Variants in SNX29 observed in about 807,000 individuals in gnomAD.
SNX29 encodes sorting nexin-29.
SNX29 carries 78 observed loss-of-function variants against 102.1 expected under a neutral mutation model. That is an observed-to-expected ratio of 0.76 (90% CI 0.64 to 0.92). The LOEUF is 0.92. Ranked by LOEUF, SNX29 falls within the 40% of genes least tolerant of loss-of-function variation. SNX29 has a pLI of 0.00. For missense variants in SNX29, 1,280 were observed against 1,061.7 expected (o/e 1.21, Z -2.86); for synonymous variants, 580 against 414.5 (o/e 1.40, Z -4.85).
intron 11 of SNX29, among the ~76,000 whole-genome samples, chr16:12,084,296 C>G (rs1227680334): frequency 1.3e-5 from 2 of 152,136 alleles, no homozygotes; most frequent in South Asian, 2.1e-4. Context: ...CAGATGCCCG[C>G]CACCACACCC....
intron 14 of SNX29, among the ~76,000 whole-genome samples, chr16:12,209,376 G>T (rs1395688677): frequency 1.3e-5 from 2 of 152,092 alleles, no homozygotes; most frequent in East Asian, 3.9e-4. Flanking sequence ...TTTTAGTAGA[G>T]ACGGGGTTTT....
At chr16:12,538,800 C>T (rs751403912) in intron 20 of SNX29, among the ~76,000 whole-genome samples, 4 of 152,128 alleles carry the variant, frequency 2.6e-5, no homozygotes, top group Admixed American at 6.5e-5. Context: ...GATTACAAGG[C>T]AGAAACCAGA....
intron 13 of SNX29, among the ~76,000 whole-genome samples, chr16:12,177,435 GA>G (rs1314917098): frequency 6.6e-6 from 1 of 152,186 alleles, no homozygotes. Context: ...ATCGAGATGT[GA>G]CTAGGTCCTC....
chr16:12,274,187 A>G (rs901995324), intron 14 of SNX29, among the ~76,000 whole-genome samples: 3 of 152,236 alleles, frequency 2.0e-5, no homozygotes, highest in East Asian at 3.8e-4. Flanking sequence ...GCCTGGGTGT[A>G]TAAGGCTCAA....
chr16:12,060,168 A>G (rs1246960549), intron 8 of SNX29, among the ~76,000 whole-genome samples: 3 of 152,224 alleles, frequency 2.0e-5, no homozygotes, highest in East Asian at 1.9e-4. Flanking sequence ...TAAAAATAAT[A>G]CAATAAAAAT....
chr16:12,472,050 C>T (rs2087369063), intron 18 of SNX29, among the ~76,000 whole-genome samples: 1 of 152,206 alleles, frequency 6.6e-6, no homozygotes. Context: ...AAATGTCCAC[C>T]CCAGCAGAAC....
chr16:12,555,587 T>C (rs557973057), intron 20 of SNX29, among the ~76,000 whole-genome samples: 7 of 151,994 alleles, frequency 4.6e-5, no homozygotes, highest in Non-Finnish European at 8.8e-5. Flanking sequence ...CATTTCTCCC[T>C]GTACCCAGCA....
At chr16:12,563,066 G>A (rs66620351) in intron 20 of SNX29, among the ~76,000 whole-genome samples, 39,566 of 151,810 alleles carry the variant, frequency 0.26, 5,730 homozygotes, top group East Asian at 0.44. Flanking sequence ...TGTAGGTACT[G>A]GAAGAGAAAT....
chr16:12,070,684 T>TATA (rs2051254566), intron 10 of SNX29, among the ~76,000 whole-genome samples: 1 of 151,790 alleles, frequency 6.6e-6, no homozygotes, highest in Non-Finnish European at 1.5e-5. Flanking sequence ...GTCCTTTGGG[T>TATA]ATATACCCAG....
chr16:12,252,321 G>T (rs946960585), intron 14 of SNX29, among the ~76,000 whole-genome samples: 8 of 152,188 alleles, frequency 5.3e-5, no homozygotes, highest in Admixed American at 3.9e-4. Context: ...AGCTGGAGTT[G>T]CCAGAGAAGT....
chr16:12,291,684 C>T (rs541790670), intron 15 of SNX29, among the ~76,000 whole-genome samples: 1 of 152,360 alleles, frequency 6.6e-6, no homozygotes, highest in South Asian at 2.1e-4. Flanking sequence ...AGGTTCCATT[C>T]TCTCTTTTCA....
intron 15 of SNX29, among the ~76,000 whole-genome samples, chr16:12,289,971 G>A (rs1476642485): frequency 2.0e-5 from 3 of 152,114 alleles, no homozygotes; most frequent in Admixed American, 6.5e-5. Flanking sequence ...TAAAGGGCTC[G>A]TCACTGGCAG....
intron 14 of SNX29, among the ~76,000 whole-genome samples, chr16:12,265,239 A>G (rs1427363646): frequency 3.3e-5 from 5 of 152,154 alleles, no homozygotes; most frequent in Non-Finnish European, 5.9e-5. Flanking sequence ...CCAGCAAAGA[A>G]GTTTTCACTG....
At chr16:11,997,746 T>C (rs1596553036) in intron 1 of SNX29, among the ~76,000 whole-genome samples, 1 of 152,204 alleles carries the variant, frequency 6.6e-6, no homozygotes, top group African/African-American at 2.4e-5. Context: ...TCCAAAGTGC[T>C]GGGATTACAG....
Position 12,535,177 on chromosome 16 carries a change from C to T in SNX29, c.2318+10336C>T, listed in dbSNP as rs146491146. Among the ~76,000 whole-genome samples the T allele has an allele frequency of 1.1e-3, 160 of 152,342 alleles. 4 individuals are homozygous for T. The East Asian group carries it at 0.011, about 10-fold the overall frequency. On this transcript the variant is annotated intron_variant, in intron 20 of 20. Coordinates refer to ENST00000566228, the MANE Select transcript of SNX29 (RefSeq NM_032167.5). ...TCTTTGAGACAGAGTCTCACTCTGT[C>T]ACCAAGGCTGGAGTGCAGTGGTGTG...
intron 11 of SNX29, among the ~76,000 whole-genome samples, chr16:12,094,253 T>G (rs1157993717): frequency 6.6e-6 from 1 of 152,188 alleles, no homozygotes; most frequent in East Asian, 1.9e-4. Flanking sequence ...TTATATGCTA[T>G]GTAAATTATA....
At chr16:12,549,932 C>T (rs967703948) in intron 20 of SNX29, among the ~76,000 whole-genome samples, 13 of 152,176 alleles carry the variant, frequency 8.5e-5, no homozygotes, top group African/African-American at 2.9e-4. Context: ...TACCCTCCAC[C>T]TGTTTTTTAT....
At chr16:12,166,272 G>C (rs1002054980) in intron 13 of SNX29, among the ~76,000 whole-genome samples, 2 of 152,194 alleles carry the variant, frequency 1.3e-5, no homozygotes, top group Non-Finnish European at 2.9e-5. Flanking sequence ...TTGTGGAAGA[G>C]CAGCCAGGCA....
intron 20 of SNX29, among the ~76,000 whole-genome samples, chr16:12,525,999 C>G (rs1237133506): frequency 6.6e-6 from 1 of 152,124 alleles, no homozygotes; most frequent in Non-Finnish European, 1.5e-5. Context: ...AACCATCAAG[C>G]CCGACTTGGT....
Sources: allele counts gnomAD v4.1 joint callset (sites outside exome capture counted in the v4.1 genomes callset), GRCh38; gene constraint gnomAD v4.1.1; transcripts MANE v1.5; gene names NCBI Gene and HGNC (gene_info 2026-07-23, HGNC 2026-07-21).